Variants in PTPRK observed in about 807,000 individuals in gnomAD.
PTPRK encodes receptor-type tyrosine-protein phosphatase kappa.
PTPRK carries 75 observed loss-of-function variants against 178.0 expected under a neutral mutation model. The observed-to-expected ratio is 0.42, with a 90% CI of 0.35 to 0.51. PTPRK has a LOEUF of 0.51. Ranked by LOEUF, PTPRK falls within the 20% of genes least tolerant of loss-of-function variation. The pLI is 0.02. For synonymous variants in PTPRK, 637 were observed against 620.6 expected (o/e 1.03, Z -0.39); for missense variants, 1,441 against 1,797.8 (o/e 0.80, Z 3.59).
intron 9 of PTPRK, among the ~76,000 whole-genome samples, chr6:128,083,189 T>TA (rs1785127357): frequency 6.6e-6 from 1 of 152,148 alleles, no homozygotes; most frequent in Non-Finnish European, 1.5e-5. Flanking sequence ...TTGTGTAACT[T>TA]AAATGATTCT....
At chr6:128,201,253 A>C (rs1306147951) in intron 6 of PTPRK, among the ~76,000 whole-genome samples, 1 of 152,212 alleles carries the variant, frequency 6.6e-6, no homozygotes, top group Admixed American at 6.5e-5. Flanking sequence ...TCTTGACATA[A>C]AATCCAAGAA....
chr6:128,108,316 A>G (rs1468582031), intron 7 of PTPRK, among the ~76,000 whole-genome samples: 1 of 152,214 alleles, frequency 6.6e-6, no homozygotes, highest in Non-Finnish European at 1.5e-5. Flanking sequence ...TAAAATAACA[A>G]AAGAAGAAAA....
chr6:127,980,693 T>C (rs1474333109), intron 25 of PTPRK, among the ~76,000 whole-genome samples: 1 of 152,172 alleles, frequency 6.6e-6, no homozygotes, highest in Non-Finnish European at 1.5e-5. Flanking sequence ...AACAAATTAA[T>C]TGTAAATTAT....
chr6:128,208,130 C>T (rs1807310146), intron 6 of PTPRK, among the ~76,000 whole-genome samples: 2 of 151,792 alleles, frequency 1.3e-5, no homozygotes, highest in South Asian at 4.2e-4. Flanking sequence ...TTTAGCAATC[C>T]TGCACAGTAC....
intron 1 of PTPRK, among the ~76,000 whole-genome samples, chr6:128,452,036 T>C (rs1847858538): frequency 6.6e-6 from 1 of 152,208 alleles, no homozygotes; most frequent in African/African-American, 2.4e-5. Context: ...GCCCTCAAGT[T>C]GCTTATAGTT....
intron 3 of PTPRK, among the ~76,000 whole-genome samples, chr6:128,296,673 C>T (rs1583975692): frequency 6.6e-6 from 1 of 152,218 alleles, no homozygotes; most frequent in South Asian, 2.1e-4. Flanking sequence ...CAAGCAAATG[C>T]TGAGAGATTT....
At chr6:128,427,162 C>T (rs1324021673) in intron 1 of PTPRK, among the ~76,000 whole-genome samples, 1 of 152,178 alleles carries the variant, frequency 6.6e-6, no homozygotes, top group Non-Finnish European at 1.5e-5. Flanking sequence ...ACTCTATGCG[C>T]CAGAGAGTGC....
chr6:128,038,685 C>T (rs1306170018), intron 13 of PTPRK, among the ~76,000 whole-genome samples: 1 of 152,172 alleles, frequency 6.6e-6, no homozygotes, highest in African/African-American at 2.4e-5. Flanking sequence ...TAAAGTATTT[C>T]CAGGCTTTTC....
chr6:128,041,533 A>G (rs1777163008), intron 13 of PTPRK, among the ~76,000 whole-genome samples: 1 of 149,438 alleles, frequency 6.7e-6, no homozygotes, highest in Non-Finnish European at 1.5e-5. Context: ...ATAAATATAG[A>G]AAAAAGAGGC....
At chr6:128,029,921 A>G (rs901766660) in intron 13 of PTPRK, among the ~76,000 whole-genome samples, 5 of 152,152 alleles carry the variant, frequency 3.3e-5, no homozygotes, top group African/African-American at 1.2e-4. Flanking sequence ...CACATGATTT[A>G]TTAAGGGAGT....
intron 1 of PTPRK, among the ~76,000 whole-genome samples, chr6:128,515,365 T>C (rs1399988685): frequency 6.6e-6 from 1 of 152,216 alleles, no homozygotes; most frequent in Non-Finnish European, 1.5e-5. Flanking sequence ...CTATCATGAA[T>C]TGATGTCTTG....
At chr6:128,131,176 G>A (rs193059588) in intron 7 of PTPRK, among the ~76,000 whole-genome samples, 1 of 152,140 alleles carries the variant, frequency 6.6e-6, no homozygotes, top group Non-Finnish European at 1.5e-5. Context: ...GATTGTGCAG[G>A]GACAGAGCTT....
intron 7 of PTPRK, among the ~76,000 whole-genome samples, chr6:128,128,266 T>C (rs1793685387): frequency 1.3e-5 from 2 of 152,202 alleles, no homozygotes; most frequent in South Asian, 4.1e-4. Flanking sequence ...TCAAAATCTG[T>C]AGTTTGCATA....
At chr6:128,501,507 G>A (rs1855554138) in intron 1 of PTPRK, among the ~76,000 whole-genome samples, 1 of 152,070 alleles carries the variant, frequency 6.6e-6, no homozygotes, top group Non-Finnish European at 1.5e-5. Flanking sequence ...CTTAAAATGT[G>A]AATATCTTAG....
intron 7 of PTPRK, among the ~76,000 whole-genome samples, chr6:128,143,949 G>C (rs1323866414): frequency 6.6e-6 from 1 of 152,040 alleles, no homozygotes; most frequent in Non-Finnish European, 1.5e-5. Context: ...ACAAACCTGA[G>C]GTGTGTGCTC....
At chr6:128,476,293 G>GA (rs1445916694) in intron 1 of PTPRK, among the ~76,000 whole-genome samples, 4 of 152,010 alleles carry the variant, frequency 2.6e-5, no homozygotes, top group Non-Finnish European at 5.9e-5. Flanking sequence ...GATGAAGACA[G>GA]ATATGTTAAT....
chr6:128,138,310 A>T (rs1795297535), intron 7 of PTPRK, among the ~76,000 whole-genome samples: 1 of 152,268 alleles, frequency 6.6e-6, no homozygotes, highest in East Asian at 1.9e-4. Flanking sequence ...AAACCATATT[A>T]TTAAGTTACA....
intron 7 of PTPRK, among the ~76,000 whole-genome samples, chr6:128,132,235 C>A (rs995033758): frequency 1.3e-5 from 2 of 152,030 alleles, no homozygotes; most frequent in African/African-American, 4.8e-5. Flanking sequence ...AGTGCAGTGG[C>A]GCGATCTTGG....
Position 128,322,196 on chromosome 6 carries a change from TATA to T in PTPRK, c.335_337del (p.Leu112del), listed in dbSNP as rs1406084501. 6.2e-7 allele frequency: 1 copy of T among 1,613,928 alleles called. No homozygotes were observed. The highest frequency in any genetic ancestry group is 8.5e-7 in the Non-Finnish European group (1 of 1,179,866). ...GCCAGGATTCAGTCCTTTCTGGCTA[TATA>T]ATAGGTAACTGAAATCAATGCAGTG... is the stretch of plus-strand genomic sequence containing the variant. On this transcript the variant is annotated inframe_deletion, in exon 3 of 30. Coordinates refer to ENST00000368226, the MANE Select transcript of PTPRK (RefSeq NM_002844.4).
Sources: gnomAD v4.1 joint callset for allele counts (sites outside exome capture counted in the v4.1 genomes callset) on GRCh38, gnomAD v4.1.1 for gene constraint, MANE v1.5 for transcripts, NCBI Gene and HGNC (gene_info 2026-07-23, HGNC 2026-07-21) for gene names.